Variants in ANKS1B observed in about 807,000 individuals in gnomAD.
ANKS1B encodes ankyrin repeat and sterile alpha motif domain-containing protein 1B.
ANKS1B carries 36 observed loss-of-function variants against 148.3 expected under a neutral mutation model. The observed-to-expected ratio is 0.24, with a 90% confidence interval of 0.19 to 0.32. The LOEUF (loss-of-function observed/expected upper bound fraction) is 0.32, where lower values mean the gene tolerates loss of function less well. Among genes scored for constraint, ANKS1B ranks in the 10% least tolerant of loss-of-function variants. The probability of loss-of-function intolerance (pLI) is 1.00; values close to 1 mark genes in which losing one functional copy is unlikely to be tolerated. For synonymous variants in ANKS1B, 542 were observed against 560.8 expected (o/e 0.97, Z 0.47); for missense variants, 1,157 against 1,542.6 (o/e 0.75, Z 4.19).
intron 17 of ANKS1B, among the ~76,000 whole-genome samples, chr12:98,965,504 T>A (rs2099877067): frequency 6.6e-6 from 1 of 152,210 alleles, no homozygotes; most frequent in Non-Finnish European, 1.5e-5. Context: ...GACTCTGATT[T>A]CTATGCTTTT....
chr12:99,922,351 T>A (rs1317394000), intron 1 of ANKS1B, among the ~76,000 whole-genome samples: 1 of 152,140 alleles, frequency 6.6e-6, no homozygotes, highest in Non-Finnish European at 1.5e-5. Flanking sequence ...AGCCAAAGGA[T>A]ACATATTAAA....
In ANKS1B at chr12:99,333,854, GTTT is replaced by G. The variant is rs10526476; in HGVS notation, c.1756+65774_1756+65776del. On this transcript the variant is annotated intron_variant, in intron 12 of 26. Transcript: ENST00000683438. The stretch of plus-strand genomic sequence containing the variant: ...ATCAAAGTCACATTTCCAGTTCTCA[GTTT>G]TTTTTTTTTTTTTTTTTTAACAATG... Among the ~76,000 whole-genome samples the G allele has an allele frequency of 2.6e-4, 28 of 107,442 alleles. 1 individual carries two copies. Among genetic ancestry groups the G allele is most frequent in the African/African-American group, 9.2e-4 (23 of 25,098 alleles). 70.5% of individuals were successfully genotyped at this position (107,442 alleles called of 152,430 possible).
chr12:99,472,700 A>G (rs2096261383), intron 10 of ANKS1B, among the ~76,000 whole-genome samples: 1 of 152,076 alleles, frequency 6.6e-6, no homozygotes, highest in African/African-American at 2.4e-5. Context: ...AGGCTTCCAG[A>G]GACTAATAAA....
intron 19 of ANKS1B, among the ~76,000 whole-genome samples, chr12:98,810,359 T>C (rs2099085133): frequency 6.6e-6 from 1 of 152,180 alleles, no homozygotes; most frequent in Non-Finnish European, 1.5e-5. Context: ...TGCATGTTGG[T>C]TCAATACACA....
At chr12:99,487,824 T>C (rs1347075334) in intron 10 of ANKS1B, among the ~76,000 whole-genome samples, 1 of 152,184 alleles carries the variant, frequency 6.6e-6, no homozygotes, top group Admixed American at 6.5e-5. Context: ...AAGTCCTAGA[T>C]ATGTCTATTA....
intron 8 of ANKS1B, among the ~76,000 whole-genome samples, chr12:99,658,877 C>A (rs1481104075): frequency 6.6e-6 from 1 of 152,166 alleles, no homozygotes; most frequent in Non-Finnish European, 1.5e-5. Context: ...CTTATTTACC[C>A]TTGTGAAGTA....
At chr12:99,668,278 T>G (rs753900662) in intron 8 of ANKS1B, among the ~76,000 whole-genome samples, 1 of 152,140 alleles carries the variant, frequency 6.6e-6, no homozygotes, top group African/African-American at 2.4e-5. Context: ...GTTATTCATA[T>G]TGTTCCTTTA....
chr12:99,695,198 C>CAT (rs59683340), intron 8 of ANKS1B, among the ~76,000 whole-genome samples: 32,146 of 151,934 alleles, frequency 0.21, 5,297 homozygotes, highest in East Asian at 0.46. Context: ...TAGAAGTTGA[C>CAT]GTTTTAACAA....
chr12:99,907,474 A>G (rs2153780879), intron 1 of ANKS1B, among the ~76,000 whole-genome samples: 1 of 152,318 alleles, frequency 6.6e-6, no homozygotes, highest in Non-Finnish European at 1.5e-5. Flanking sequence ...AGTTTTCAAC[A>G]GTTAATAAGG....
chr12:99,265,139 T>G (rs2076317496), intron 12 of ANKS1B, among the ~76,000 whole-genome samples: 1 of 152,184 alleles, frequency 6.6e-6, no homozygotes, highest in African/African-American at 2.4e-5. Flanking sequence ...TCACATGTAG[T>G]AGTGGCTACT....
chr12:99,907,824 A>C (rs1284288699), intron 1 of ANKS1B, among the ~76,000 whole-genome samples: 1 of 150,628 alleles, frequency 6.6e-6, no homozygotes, highest in Non-Finnish European at 1.5e-5. Context: ...AAAAAAAAAA[A>C]AAAAAAAAAA....
rs780283798 is a variant in ANKS1B, at chr12:99,246,817, G to T, written c.1804C>A (p.Pro602Thr). 3.1e-6 allele frequency: 5 copies of T among 1,609,100 alleles called. No homozygotes were observed. In the East Asian group the frequency reaches 8.9e-5, roughly 29 times the overall value. Reference sequence around the variant, plus strand: ...TGGAGCAGGCCTGCAAATTGCCCAGGATCATATTCTTTTGGGGGATCATTG... The same window carrying T: ...TGGAGCAGGCCTGCAAATTGCCCAGTATCATATTCTTTTGGGGGATCATTG... Reference protein sequence around the residue: ...DDNDPPKEYDPGQFAGLLHGS... With the variant: ...DDNDPPKEYDTGQFAGLLHGS... The change falls in exon 13 of 27, where the codon CCT (proline) becomes ACT (threonine). Residue 602 changes from proline (P) to threonine (T), a missense_variant. Around this residue, in one of 6 missense-constraint regions of ANKS1B, gnomAD observed 661 missense variants for 642.1 expected, o/e 1.03. Transcript: ENST00000683438.
intron 12 of ANKS1B, among the ~76,000 whole-genome samples, chr12:99,315,067 A>G (rs2083798188): frequency 6.6e-6 from 1 of 151,524 alleles, no homozygotes; most frequent in African/African-American, 2.4e-5. Flanking sequence ...ACATGGTGAA[A>G]CCCCCTCTCT....
At chr12:99,167,341 A>G (rs2077289486) in intron 14 of ANKS1B, among the ~76,000 whole-genome samples, 1 of 152,172 alleles carries the variant, frequency 6.6e-6, no homozygotes, top group Admixed American at 6.5e-5. Flanking sequence ...ATCATGTGAT[A>G]ACAAATGTAT....
At chr12:98,977,824 C>T (rs1162708694) in intron 17 of ANKS1B, among the ~76,000 whole-genome samples, 2 of 152,062 alleles carry the variant, frequency 1.3e-5, no homozygotes, top group Non-Finnish European at 2.9e-5. Context: ...ATACTTCATA[C>T]TCATACAGTC....
At chr12:98,875,625 C>T (rs1471850119) in intron 17 of ANKS1B, among the ~76,000 whole-genome samples, 2 of 152,128 alleles carry the variant, frequency 1.3e-5, no homozygotes, top group Non-Finnish European at 2.9e-5. Context: ...GTTTATCATG[C>T]AATTTTTTCT....
At chr12:99,056,637 T>C (rs2040299110) in intron 16 of ANKS1B, among the ~76,000 whole-genome samples, 1 of 152,196 alleles carries the variant, frequency 6.6e-6, no homozygotes, top group Non-Finnish European at 1.5e-5. Flanking sequence ...TAGCCTAATC[T>C]CCCACTCCTC....
intron 17 of ANKS1B, among the ~76,000 whole-genome samples, chr12:98,978,089 AC>A (rs2153225162): frequency 2.0e-5 from 3 of 152,124 alleles, no homozygotes; most frequent in Middle Eastern, 6.9e-3. Context: ...TTTTTCAGAG[AC>A]AGCATATAGT....
At chr12:99,084,095 G>A (rs1331127640) in intron 16 of ANKS1B, among the ~76,000 whole-genome samples, 4 of 152,146 alleles carry the variant, frequency 2.6e-5, no homozygotes, top group Non-Finnish European at 5.9e-5. Context: ...TGGACTAGGA[G>A]GGCCTATACA....
Sources: gnomAD v4.1 joint callset for allele counts (sites outside exome capture counted in the v4.1 genomes callset) on GRCh38, gnomAD v4.1.1 for gene constraint, gnomAD v4.1.1 regional missense constraint, MANE v1.5 for transcripts, NCBI Gene and HGNC (gene_info 2026-07-23, HGNC 2026-07-21) for gene names.